CSNK1E: variants seen among roughly 807,000 people sequenced by gnomAD.
CSNK1E encodes the protein casein kinase 1 epsilon.
Under a neutral mutation model 46.1 loss-of-function variants are expected in CSNK1E, and 17 were observed. The ratio of observed to expected loss-of-function variants is 0.37; its 90% CI spans 0.25 to 0.55. The LOEUF is 0.55. Among genes scored for constraint, CSNK1E ranks in the 20% least tolerant of loss-of-function variants. The probability of loss-of-function intolerance (pLI) is 0.82; values close to 1 mark genes in which losing one functional copy is unlikely to be tolerated. For missense variants in CSNK1E, 386 were observed against 595.4 expected, an observed-to-expected ratio of 0.65 and a Z score of 3.66; for synonymous variants, 241 against 242.6, an observed-to-expected ratio of 0.99 and a Z score of 0.06.
chr22:38,306,526 A>C (rs970418598), intron 2 of CSNK1E, among the ~76,000 whole-genome samples: 3 of 152,106 alleles, frequency 2.0e-5, no homozygotes, highest in Non-Finnish European at 4.4e-5. Flanking sequence ...AGGTCAAGAG[A>C]TCAAGACCAT....
chr22:38,302,826 G>C, intron 4 of CSNK1E, 35 bp downstream of exon 4: 1 of 1,611,334 alleles, frequency 6.2e-7, no homozygotes, highest in Non-Finnish European at 8.5e-7. Context: ...GGGCCCACAG[G>C]CATCTGGCTG....
intron 2 of CSNK1E, among the ~76,000 whole-genome samples, chr22:38,305,433 A>T (rs62230184): frequency 1.8e-3 from 10 of 5,530 alleles, no homozygotes; most frequent in Admixed American, 6.2e-3. Context: ...AAAGCCATTT[A>T]AAAAAAAAAA....
intron 6 of CSNK1E, 135 bp downstream of exon 6, chr22:38,299,760 G>T: frequency 1.1e-6 from 1 of 918,254 alleles, no homozygotes; most frequent in Non-Finnish European, 1.7e-6. Flanking sequence ...CACCTGCCTT[G>T]GCCTCCCAAA....
intron 2 of CSNK1E, among the ~76,000 whole-genome samples, chr22:38,305,735 A>G (rs548292591): frequency 6.6e-6 from 1 of 151,702 alleles, no homozygotes; most frequent in African/African-American, 2.4e-5. Flanking sequence ...GTGAAAGACC[A>G]TGTTTCACCT....
In CSNK1E at chr22:38,310,038, C is replaced by G. The variant is rs1379709452; in HGVS notation, c.76+4044G>C. Among the ~76,000 whole-genome samples, 4 of 152,282 alleles carry G rather than the reference C, an allele frequency of 2.6e-5. No homozygotes were observed. The East Asian group carries it at 7.7e-4, about 29-fold the overall frequency. ...GGTTCAGAAACGTTAGGTAACTGGC[C>G]TAAGGTCTGACAGAACTGGATGGGG... On this transcript the variant is annotated intron_variant, in intron 2 of 10. Transcript: ENST00000396832.
intron 9 of CSNK1E, 28 bp from the exon 10 acceptor site, chr22:38,293,347 G>A (rs952004020): frequency 4.8e-6 from 7 of 1,468,634 alleles, no homozygotes; most frequent in Non-Finnish European, 6.6e-6. Flanking sequence ...GGAGAGAGGG[G>A]GAGGGAGAGA....
chr22:38,299,269 C>T (rs2092658144), intron 6 of CSNK1E, among the ~76,000 whole-genome samples: 1 of 152,186 alleles, frequency 6.6e-6, no homozygotes, highest in African/African-American at 2.4e-5. Flanking sequence ...TCAATCGTTG[C>T]CATAAATTCA....
chr22:38,302,425 G>A (rs1387493043), intron 4 of CSNK1E, among the ~76,000 whole-genome samples: 2 of 152,114 alleles, frequency 1.3e-5, no homozygotes, highest in African/African-American at 4.8e-5. Flanking sequence ...CGGCAGGTCT[G>A]GAGTTGGGCC....
rs561576060 is a variant in CSNK1E at position 38,299,610 on chromosome 22, G to A, written c.736+285C>T. ...GCAATCTCGGCTCACTGCAACCTCC[G>A]CTTCCCAGGTTCAAGCAATTCTCCT... On this transcript the variant is annotated intron_variant, in intron 6 of 10. Transcript: ENST00000396832. 4.8e-4 allele frequency among the ~76,000 whole-genome samples: 73 copies of A among 152,310 alleles called. No individual in the cohort carries two copies. In the South Asian group the frequency reaches 0.015, roughly 30 times the overall value.
chr22:38,313,017 T>C (rs2092727685), intron 2 of CSNK1E, among the ~76,000 whole-genome samples: 1 of 152,202 alleles, frequency 6.6e-6, no homozygotes, highest in Non-Finnish European at 1.5e-5. Context: ...GTACTATCTC[T>C]AGGGGCTGCA....
rs528099238 is a variant in CSNK1E, at chr22:38,299,460, G to A, written c.736+435C>T. ...AACCGGGCCTTCTGGCTGTGCCAAG[G>A]AGTGGCAAAGAGCCAGGGATTACTG... is the stretch of plus-strand genomic sequence containing the variant. On this transcript the variant is annotated intron_variant, in intron 6 of 10. Coordinates refer to ENST00000396832, the MANE Select transcript of CSNK1E (RefSeq NM_152221.3). Among the ~76,000 whole-genome samples, 7 of 152,372 alleles carry A rather than the reference G, an allele frequency of 4.6e-5. No homozygotes were observed. The South Asian group carries it at 1.2e-3, about 27-fold the overall frequency.
intron 9 of CSNK1E, chr22:38,293,889 G>A: frequency 1.7e-6 from 1 of 572,538 alleles, no homozygotes; most frequent in South Asian, 2.7e-5. Flanking sequence ...ACTTGCCAGG[G>A]AATGTTACTG....
chr22:38,290,972 G>C lies in CSNK1E; in HGVS notation c.*999C>G, dbSNP rs1209329705. 6.6e-6 allele frequency: 1 copy of C among 152,288 alleles called. No homozygotes were observed. Among genetic ancestry groups the C allele is most frequent in the East Asian group, 1.9e-4 (1 of 5,190 alleles). The allele number at this position is 152,288 out of a possible 1,614,324, so 9.4% of individuals were successfully genotyped here. On this transcript the variant is annotated 3_prime_UTR_variant, in exon 11 of 11. Transcript: ENST00000396832. ...AAACAAAAAGGTGTTAACTAGGAAGGATGGGTTAATCCAAAACCCAGCCCT... is the reference window on the plus strand; with the variant it reads ...AAACAAAAAGGTGTTAACTAGGAAGCATGGGTTAATCCAAAACCCAGCCCT...
intron 1 of CSNK1E, among the ~76,000 whole-genome samples, chr22:38,315,086 G>C (rs2092738247): frequency 6.6e-6 from 1 of 152,206 alleles, no homozygotes; most frequent in South Asian, 2.1e-4. Flanking sequence ...TTCACAGACA[G>C]GGTACTCAGG....
chr22:38,298,529 G>C lies in CSNK1E; in HGVS notation c.885+257C>G. On this transcript the variant is annotated intron_variant, in intron 7 of 10. Coordinates refer to ENST00000396832, the MANE Select transcript of CSNK1E (RefSeq NM_152221.3). This position sits in a 1 kb window ranked among gnomAD's most constrained non-coding sequence, Gnocchi z 4.2. ...TGCCCTGCTGCGGGCACCCAGGAGG[G>C]ACCCCAGGTGAAGCCAGATCCTCCT... 1 of 487,336 alleles carries C rather than the reference G, an allele frequency of 2.1e-6. No homozygotes were observed. Among genetic ancestry groups the C allele is most frequent in the Non-Finnish European group, 3.7e-6 (1 of 267,382 alleles). 30.2% of individuals were successfully genotyped at this position (487,336 alleles called of 1,614,324 possible).
chr22:38,307,335 G>C (rs112082386), intron 2 of CSNK1E, among the ~76,000 whole-genome samples: 1,834 of 152,230 alleles, frequency 0.012, 46 homozygotes, highest in African/African-American at 0.042. Context: ...CGGATCACCA[G>C]GCAAGGAGTT....
At chr22:38,295,223 G>A (rs556192274) in intron 7 of CSNK1E, among the ~76,000 whole-genome samples, 3 of 152,314 alleles carry the variant, frequency 2.0e-5, no homozygotes, top group South Asian at 2.1e-4. Context: ...ATGGGGCCAC[G>A]TTCCCCACGG....
Position 38,298,048 on chromosome 22 carries a change from G to A in CSNK1E, c.885+738C>T. On this transcript the variant is annotated intron_variant, in intron 7 of 10. Coordinates refer to ENST00000396832, the MANE Select transcript of CSNK1E (RefSeq NM_152221.3). The surrounding 1 kb of genome is among the most constrained non-coding windows in gnomAD (Gnocchi z 4.2). ...GAGGCTCAGCCTCTTGCGCTCACTG[G>A]TCAAGTGGCAAATTTTGGAAAAGCC... is the stretch of plus-strand genomic sequence containing the variant. The A allele has an allele frequency of 8.5e-7, 1 of 1,173,992 alleles. No individual in the cohort carries two copies. The highest frequency in any genetic ancestry group is 1.7e-5 in the African/African-American group (1 of 60,356). The allele number at this position is 1,173,992 out of a possible 1,614,324, so 72.7% of individuals were successfully genotyped here. A position where few individuals can be genotyped will look rare whatever the true frequency, so the allele number is the denominator to read the frequency against.
At position 38,294,811 on chromosome 22, in the gene CSNK1E, A is replaced by C. The variant is rs2092631209; in HGVS notation, c.886-277T>G. ...CCTGGGATGGAGCCAGAGAAAGGAC[A>C]ACTAATGCGCCCAGGATGATCAAGA... On this transcript the variant is annotated intron_variant, in intron 7 of 10. Coordinates refer to ENST00000396832, the MANE Select transcript of CSNK1E (RefSeq NM_152221.3). The surrounding 1 kb of genome is among the most constrained non-coding windows in gnomAD (Gnocchi z 5.5). 6.6e-6 allele frequency among the ~76,000 whole-genome samples: 1 copy of C among 152,144 alleles called. No homozygotes were observed. Among genetic ancestry groups the C allele is most frequent in the South Asian group, 2.1e-4 (1 of 4,828 alleles).
Sources: allele counts gnomAD v4.1 joint callset (sites outside exome capture counted in the v4.1 genomes callset), GRCh38; gene constraint gnomAD v4.1.1; non-coding constraint Gnocchi (gnomAD v3.1); transcripts MANE v1.5; gene names NCBI Gene and HGNC (gene_info 2026-07-23, HGNC 2026-07-21).